The following RBCK1 variants were observed in gnomAD, a reference collection of about 807,000 sequenced individuals.
RBCK1 encodes the protein RANBP2-type and C3HC4-type zinc finger containing 1.
RBCK1 carries 44 observed loss-of-function variants against 71.1 expected under a neutral mutation model. That is an observed-to-expected ratio of 0.62 (90% confidence interval 0.49 to 0.80). RBCK1 has a LOEUF of 0.80. Among genes scored for constraint, RBCK1 ranks in the 30% least tolerant of loss-of-function variants. The probability of loss-of-function intolerance (pLI) is 0.00; values close to 1 mark genes in which losing one functional copy is unlikely to be tolerated. For synonymous variants in RBCK1, 306 were observed against 279.7 expected, an observed-to-expected ratio of 1.09 and a Z score of -0.94; for missense variants, 569 against 685.0, an observed-to-expected ratio of 0.83 and a Z score of 1.89.
chr20:425,806 T>G (rs992805115), intron 8 of RBCK1, among the ~76,000 whole-genome samples: 1 of 152,076 alleles, frequency 6.6e-6, no homozygotes, highest in East Asian at 1.9e-4. Flanking sequence ...TTTGTATTTT[T>G]AGTAGAGATG....
Position 410,044 on chromosome 20 carries a change from G to T in RBCK1, c.167+19G>T, listed in dbSNP as rs1178153674. 6.2e-7 allele frequency: 1 copy of T among 1,609,822 alleles called. No homozygotes were observed. Among genetic ancestry groups the T allele is most frequent in the Middle Eastern group, 1.7e-4 (1 of 6,030 alleles). ...ACATCAGGTGAGGAGTGCATGGCTG[G>T]CCTGAACCCAAGGGACAGCAGGACA... On this transcript the variant is annotated intron_variant, in intron 2 of 11. Coordinates refer to ENST00000356286, the MANE Select transcript of RBCK1 (RefSeq NM_031229.4).
Position 431,838 on chromosome 20 carries a change from C to T in RBCK1, c.*1408C>T, listed in dbSNP as rs1254894034. On this transcript the variant is annotated 3_prime_UTR_variant, in exon 12 of 12. Transcript: ENST00000356286. The surrounding 1 kb of genome is among the most constrained non-coding windows in gnomAD (Gnocchi z 4.8). ...GGCCCTGGAGGCAGAAAGGCCCAGG[C>T]AGAACCACTGACTGGGAGGAAACAG... 2.0e-5 allele frequency among the ~76,000 whole-genome samples: 3 copies of T among 152,190 alleles called. No homozygotes were observed. Among genetic ancestry groups the T allele is most frequent in the Non-Finnish European group, 4.4e-5 (3 of 68,024 alleles).
intron 8 of RBCK1, among the ~76,000 whole-genome samples, chr20:424,126 A>T (rs1290614442): frequency 1.3e-5 from 2 of 151,816 alleles, no homozygotes; most frequent in Non-Finnish European, 1.5e-5. Context: ...TGGAGTCACC[A>T]CTCCGCCAGT....
At chr20:408,822 G>C (rs1352577068) in intron 1 of RBCK1, 43 bp downstream of exon 1, 1 of 1,595,104 alleles carries the variant, frequency 6.3e-7, no homozygotes, top group East Asian at 2.3e-5. Context: ...CCGGTGGGAA[G>C]TGGGCCCCGC....
In RBCK1 at chr20:409,918, G is replaced by A. The variant is rs1158776331; in HGVS notation, c.60G>A (p.Ala20=). The A allele has an allele frequency of 8.7e-6, 14 of 1,613,856 alleles. No individual in the cohort carries two copies. Among genetic ancestry groups the A allele is most frequent in the East Asian group, 2.2e-5 (1 of 44,890 alleles). The part of the protein sequence containing the change: ...EMALSLTRAV[A]GGDEQVAMKC... ...CCCTGAGCCTCACCCGAGCAGTGGC[G>A]GGCGGGGATGAACAGGTGGCAATGA... The change falls in exon 2 of 12, where the codon GCG becomes GCA. Residue 20 remains alanine (A), a synonymous_variant. Coordinates refer to ENST00000356286, the MANE Select transcript of RBCK1 (RefSeq NM_031229.4).
intron 2 of RBCK1, among the ~76,000 whole-genome samples, chr20:416,829 T>A (rs745894381): frequency 6.6e-6 from 1 of 152,152 alleles, no homozygotes; most frequent in African/African-American, 2.4e-5. Context: ...AGACCCTGTC[T>A]CTACAAAAAC....
intron 6 of RBCK1, 128 bp from the exon 7 acceptor site, chr20:420,743 C>T (rs1483798306): frequency 2.1e-5 from 3 of 141,180 alleles, no homozygotes; most frequent in Non-Finnish European, 3.6e-5. Flanking sequence ...CCCATCCCTA[C>T]TGGCTCCCAG....
At chr20:420,418 T>C in intron 6 of RBCK1, 1 of 984,278 alleles carries the variant, frequency 1.0e-6, no homozygotes, top group Non-Finnish European at 1.2e-6. Context: ...CCACTCCTGT[T>C]CCCGTCTCAG....
At chr20:412,623 T>C (rs898868395) in intron 2 of RBCK1, among the ~76,000 whole-genome samples, 2 of 152,180 alleles carry the variant, frequency 1.3e-5, no homozygotes, top group Non-Finnish European at 1.5e-5. Flanking sequence ...CCGGCTGGGT[T>C]TATGTTTTTA....
chr20:429,053 GAGA>G lies in RBCK1; in HGVS notation c.1412_1414del (p.Glu471_Ile472delinsVal). On this transcript the variant is annotated inframe_deletion, in exon 11 of 12. Transcript: ENST00000356286. ...GATCCGCTGCACCGTCTGCCACACC[GAGA>G]TCTGCTGGGTCACCAAGGGCCCACG... 1 of 1,613,008 alleles carries G rather than the reference GAGA, an allele frequency of 6.2e-7. No homozygotes were observed. The highest frequency in any genetic ancestry group is 8.5e-7 in the Non-Finnish European group (1 of 1,179,924).
At chr20:414,311 C>CT (rs766493201) in intron 2 of RBCK1, among the ~76,000 whole-genome samples, 1 of 152,048 alleles carries the variant, frequency 6.6e-6, no homozygotes, top group Non-Finnish European at 1.5e-5. Flanking sequence ...ATTTGAGAGG[C>CT]TGAGATGAGA....
In RBCK1 at chr20:429,076, C is replaced by T. The variant is rs767016233; in HGVS notation, c.1434C>T (p.Gly478=). The T allele has an allele frequency of 2.5e-6, 4 of 1,612,704 alleles. No homozygotes were observed. The highest frequency in any genetic ancestry group is 8.5e-7 in the Non-Finnish European group (1 of 1,179,664). The change falls in exon 11 of 12, where the codon GGC becomes GGT. Residue 478 remains glycine, a synonymous_variant. Coordinates refer to ENST00000356286, the MANE Select transcript of RBCK1 (RefSeq NM_031229.4). ...CHTEICWVTK[G]PRWGPGGPGD... ...CCGAGATCTGCTGGGTCACCAAGGGCCCACGCTGGGGCCCTGGGGTGAGTC... is the reference window on the plus strand; with the variant it reads ...CCGAGATCTGCTGGGTCACCAAGGGTCCACGCTGGGGCCCTGGGGTGAGTC...
At position 417,994 on chromosome 20, in the gene RBCK1, G is replaced by A. The variant is rs2016101086; in HGVS notation, c.460+64G>A. On this transcript the variant is annotated intron_variant, in intron 4 of 11. Coordinates refer to ENST00000356286, the MANE Select transcript of RBCK1 (RefSeq NM_031229.4). The surrounding 1 kb of genome is among the most constrained non-coding windows in gnomAD (Gnocchi z 4.7). ...GCCCTGGACTCACTTGAGGGCATAGGGCAAGCAGGGGCAGAGCCCCTGGGT... is the reference window on the plus strand; with the variant it reads ...GCCCTGGACTCACTTGAGGGCATAGAGCAAGCAGGGGCAGAGCCCCTGGGT... The A allele has an allele frequency of 1.3e-6, 2 of 1,482,128 alleles. No individual in the cohort carries two copies. Among genetic ancestry groups the A allele is most frequent in the Non-Finnish European group, 1.8e-6 (2 of 1,106,620 alleles). 91.8% of individuals were successfully genotyped at this position (1,482,128 alleles called of 1,614,324 possible). A position where few individuals can be genotyped will look rare whatever the true frequency, so the allele number is the denominator to read the frequency against.
Position 419,649 on chromosome 20 carries a change from A to G in RBCK1, c.674A>G (p.Gln225Arg), listed in dbSNP as rs905456806. Reference sequence around the variant, plus strand: ...TGCCGGGCGCGCCCCGAGGCCTACCAGGTCCCCGCCTCATACCAGCCCGAC... The same window carrying G: ...TGCCGGGCGCGCCCCGAGGCCTACCGGGTCCCCGCCTCATACCAGCCCGAC... ...MCCRARPEAY[Q>R]VPASYQPDEE... The change falls in exon 6 of 12, where the codon CAG becomes CGG. Residue 225 changes from glutamine (Q) to arginine (R), a missense_variant. Coordinates refer to ENST00000356286, the MANE Select transcript of RBCK1 (RefSeq NM_031229.4). 5.0e-6 allele frequency: 8 copies of G among 1,585,596 alleles called. No homozygotes were observed. The highest frequency in any genetic ancestry group is 1.7e-4 in the Middle Eastern group (1 of 6,010).
Position 427,387 on chromosome 20 carries a change from C to G in RBCK1, c.1104C>G (p.Ser368Arg). The G allele has an allele frequency of 6.2e-7, 1 of 1,614,188 alleles. No individual in the cohort carries two copies. Among genetic ancestry groups the G allele is most frequent in the Non-Finnish European group, 8.5e-7 (1 of 1,180,034 alleles). ...TTGCTGAAAACCGCAGTGCCTTCAG[C>G]TACCATTGCAAGACCCCAGATTGCA... The part of the protein sequence containing the change: ...ISIAENRSAF[S>R]YHCKTPDCKG... Residue 368 changes from serine (S) to arginine (R), a missense_variant, in exon 9 of 12, where the codon AGC becomes AGG. This residue lies in a region of RBCK1 where 211 missense variants were observed against 309.4 expected (regional missense o/e 0.68). Transcript: ENST00000356286.
At chr20:415,735 G>C (rs1188902262) in intron 2 of RBCK1, among the ~76,000 whole-genome samples, 1 of 152,204 alleles carries the variant, frequency 6.6e-6, no homozygotes, top group Non-Finnish European at 1.5e-5. Flanking sequence ...AATTTGTAAA[G>C]AAAAGAGGTT....
intron 7 of RBCK1, 138 bp from the exon 8 acceptor site, chr20:421,989 A>G (rs2016463478): frequency 1.6e-6 from 1 of 621,648 alleles, no homozygotes; most frequent in Non-Finnish European, 2.8e-6. Context: ...AGGGATGGGA[A>G]GGAAGGAGAT....
intron 8 of RBCK1, among the ~76,000 whole-genome samples, chr20:425,644 T>TTTTTTTTA (rs61202599): frequency 1.6e-5 from 2 of 125,966 alleles, no homozygotes; most frequent in Non-Finnish European, 1.8e-5. Flanking sequence ...TTTTTTTTTT[T>TTTTTTTTA]GAGACGAAGT....
intron 1 of RBCK1, 163 bp from the exon 2 acceptor site, chr20:409,718 G>A (rs1032989802): frequency 7.2e-6 from 8 of 1,104,658 alleles, no homozygotes; most frequent in Admixed American, 4.8e-5. Flanking sequence ...AACCCCTCCC[G>A]GAGAAAGGGA....
Sources: gnomAD v4.1 joint callset for allele counts (sites outside exome capture counted in the v4.1 genomes callset) on GRCh38, gnomAD v4.1.1 for gene constraint, gnomAD v4.1.1 regional missense constraint, Gnocchi (gnomAD v3.1) non-coding constraint, MANE v1.5 for transcripts, NCBI Gene and HGNC (gene_info 2026-07-23, HGNC 2026-07-21) for gene names.